SPATS2L: variants seen among roughly 807,000 people sequenced by gnomAD.
SPATS2L encodes SPATS2-like protein.
In SPATS2L, 30 loss-of-function variants were observed where a neutral mutation model predicts 59.6. That is an observed-to-expected ratio of 0.50 (90% CI 0.38 to 0.68). SPATS2L has a LOEUF of 0.68. Among genes scored for constraint, SPATS2L ranks in the 30% least tolerant of loss-of-function variants. The pLI is 0.00. For synonymous variants in SPATS2L, 252 were observed against 263.5 expected, an observed-to-expected ratio of 0.96 and a Z score of 0.42; for missense variants, 615 against 700.0, an observed-to-expected ratio of 0.88 and a Z score of 1.37.
intron 2 of SPATS2L, among the ~76,000 whole-genome samples, chr2:200,367,088 C>A (rs1364662792): frequency 6.6e-6 from 1 of 152,088 alleles, no homozygotes; most frequent in South Asian, 2.1e-4. Flanking sequence ...AAAGATATAC[C>A]TGAGAGGATA....
At chr2:200,459,443 G>C (rs74984633) in intron 8 of SPATS2L, among the ~76,000 whole-genome samples, 5,159 of 152,188 alleles carry the variant, frequency 0.034, 141 homozygotes, top group Admixed American at 0.067. Context: ...TTATTATATT[G>C]TTTTGGAACT....
chr2:200,381,107 G>GC (rs2081794817), intron 2 of SPATS2L, among the ~76,000 whole-genome samples: 1 of 152,170 alleles, frequency 6.6e-6, no homozygotes, highest in Admixed American at 6.5e-5. Flanking sequence ...TAACAGTTAG[G>GC]CCACAGAAAA....
intron 3 of SPATS2L, among the ~76,000 whole-genome samples, chr2:200,404,172 G>A (rs559809213): frequency 2.6e-5 from 4 of 152,180 alleles, no homozygotes; most frequent in South Asian, 2.1e-4. Flanking sequence ...CAGTGAACAC[G>A]CTCAGCACTT....
intron 8 of SPATS2L, among the ~76,000 whole-genome samples, chr2:200,449,014 T>C (rs1425100142): frequency 3.3e-5 from 5 of 152,126 alleles, no homozygotes; most frequent in African/African-American, 4.8e-5. Context: ...CAAATACACA[T>C]ATAACATGGA....
intron 2 of SPATS2L, among the ~76,000 whole-genome samples, chr2:200,338,765 G>T (rs1042997278): frequency 6.6e-6 from 1 of 152,262 alleles, no homozygotes; most frequent in South Asian, 2.1e-4. Context: ...AGGCCAAGGG[G>T]TTACCTCTCC....
chr2:200,412,894 A>AAT (rs917192969), intron 4 of SPATS2L, among the ~76,000 whole-genome samples: 9 of 151,776 alleles, frequency 5.9e-5, no homozygotes, highest in African/African-American at 2.2e-4. Flanking sequence ...TCTATAAAAA[A>AAT]ATATATATAT....
At chr2:200,469,687 C>T in intron 10 of SPATS2L, 2 of 480,526 alleles carry the variant, frequency 4.2e-6, no homozygotes, top group Non-Finnish European at 7.4e-6. Flanking sequence ...TAGGCCCAAA[C>T]AAGAGAAACA....
chr2:200,410,043 C>T (rs1188265687), intron 3 of SPATS2L, among the ~76,000 whole-genome samples: 1 of 151,994 alleles, frequency 6.6e-6, no homozygotes, highest in East Asian at 1.9e-4. Flanking sequence ...CTTTGCAGTT[C>T]ACACAGCTGT....
rs551607245 is a variant in SPATS2L at position 200,319,497 on chromosome 2, G to A, written c.-72-9934G>A. Reference sequence around the variant, plus strand: ...GGAAAATTGCTTGAACCCCAAAGGTGGAGGTTGCAGTGAGCCAAGATTGCG... The same window carrying A: ...GGAAAATTGCTTGAACCCCAAAGGTAGAGGTTGCAGTGAGCCAAGATTGCG... On this transcript the variant is annotated intron_variant, in intron 1 of 12. Coordinates refer to ENST00000409140, the MANE Select transcript of SPATS2L (RefSeq NM_001100423.2). Among the ~76,000 whole-genome samples the A allele has an allele frequency of 1.1e-4, 16 of 150,546 alleles. 1 individual carries two copies. The South Asian group carries it at 3.4e-3, about 32-fold the overall frequency.
chr2:200,362,400 A>G (rs941330257), intron 2 of SPATS2L, among the ~76,000 whole-genome samples: 1 of 152,240 alleles, frequency 6.6e-6, no homozygotes, highest in Non-Finnish European at 1.5e-5. Context: ...ATACAGGCTG[A>G]TGAGGGAGCT....
chr2:200,424,365 T>TGG, intron 6 of SPATS2L, among the ~76,000 whole-genome samples: 1 of 151,970 alleles, frequency 6.6e-6, no homozygotes, highest in South Asian at 2.1e-4. Flanking sequence ...GGCTCATACC[T>TGG]GTAGTCCCAG....
chr2:200,336,099 G>A (rs1393146949), intron 2 of SPATS2L, among the ~76,000 whole-genome samples: 1 of 152,206 alleles, frequency 6.6e-6, no homozygotes, highest in Non-Finnish European at 1.5e-5. Context: ...ATTCTCATAA[G>A]TTGAAGACAA....
intron 6 of SPATS2L, among the ~76,000 whole-genome samples, 189 bp from the exon 7 acceptor site, chr2:200,438,933 A>G (rs2084492187): frequency 6.6e-6 from 1 of 152,202 alleles, no homozygotes; most frequent in Non-Finnish European, 1.5e-5. Flanking sequence ...TCTACTCAAA[A>G]TACAAGGCTC....
intron 2 of SPATS2L, chr2:200,372,140 A>G (rs2081445838): frequency 1.0e-6 from 1 of 985,336 alleles, no homozygotes. Context: ...AGACAGAATG[A>G]GACCACTCTA....
intron 3 of SPATS2L, among the ~76,000 whole-genome samples, chr2:200,402,325 T>C (rs73986864): frequency 0.026 from 3,903 of 152,334 alleles, 166 homozygotes; most frequent in African/African-American, 0.089. Flanking sequence ...ACTTTTGCTT[T>C]GTGCCTTTCT....
At chr2:200,390,604 AGTTGAAT>A (rs971999067) in intron 3 of SPATS2L, 1 of 152,564 alleles carries the variant, frequency 6.6e-6, no homozygotes, top group African/African-American at 2.4e-5. Context: ...AGGTTGACTA[AGTTGAAT>A]GTGTTTGATG....
At chr2:200,412,093 T>C (rs1574429995) in intron 3 of SPATS2L, among the ~76,000 whole-genome samples, 1 of 152,286 alleles carries the variant, frequency 6.6e-6, no homozygotes, top group East Asian at 1.9e-4. Context: ...GAGGTCTTTG[T>C]AAAAATGTGT....
intron 6 of SPATS2L, among the ~76,000 whole-genome samples, chr2:200,425,723 G>A (rs1160011711): frequency 6.6e-6 from 1 of 152,124 alleles, no homozygotes; most frequent in African/African-American, 2.4e-5. Context: ...TACAGGAAGC[G>A]GACAAGACAA....
chr2:200,379,123 G>A (rs992222188), intron 2 of SPATS2L, among the ~76,000 whole-genome samples: 8 of 152,134 alleles, frequency 5.3e-5, no homozygotes, highest in Admixed American at 2.0e-4. Context: ...CTTGCCTGGC[G>A]TTCTCCTTTG....
Sources: allele counts gnomAD v4.1 joint callset (sites outside exome capture counted in the v4.1 genomes callset), GRCh38; gene constraint gnomAD v4.1.1; transcripts MANE v1.5; gene names NCBI Gene and HGNC (gene_info 2026-07-23, HGNC 2026-07-21).